Variants in MACROD2 observed in about 807,000 individuals in gnomAD.
MACROD2 encodes the protein mono-ADP ribosylhydrolase 2.
MACROD2 carries 36 observed loss-of-function variants against 70.4 expected under a neutral mutation model. That is an observed-to-expected ratio of 0.51 (90% confidence interval 0.39 to 0.68). MACROD2 has a LOEUF of 0.68. Ranked by LOEUF, MACROD2 falls within the 30% of genes least tolerant of loss-of-function variation. MACROD2 has a pLI of 0.00. For missense variants in MACROD2, 496 were observed against 538.4 expected, an observed-to-expected ratio of 0.92 and a Z score of 0.78; for synonymous variants, 172 against 178.8, an observed-to-expected ratio of 0.96 and a Z score of 0.30.
At chr20:15,714,851 A>G in intron 8 of MACROD2, among the ~76,000 whole-genome samples, 1 of 152,308 alleles carries the variant, frequency 6.6e-6, no homozygotes, top group Middle Eastern at 3.4e-3. Context: ...CTATATATGT[A>G]TAAATATATA....
intron 8 of MACROD2, among the ~76,000 whole-genome samples, chr20:15,670,485 C>G (rs1438667722): frequency 1.3e-5 from 2 of 152,204 alleles, no homozygotes; most frequent in Non-Finnish European, 2.9e-5. Flanking sequence ...ATACTTGTTT[C>G]TCCCATGTTA....
chr20:14,318,007 G>T (rs1203050058), intron 3 of MACROD2, among the ~76,000 whole-genome samples: 1 of 152,134 alleles, frequency 6.6e-6, no homozygotes, highest in Non-Finnish European at 1.5e-5. Context: ...TTTAGAAAGA[G>T]AAACTTTTTT....
chr20:14,110,329 A>T (rs1164646531), intron 3 of MACROD2, among the ~76,000 whole-genome samples: 2 of 151,960 alleles, frequency 1.3e-5, no homozygotes, highest in African/African-American at 4.8e-5. Flanking sequence ...CATGACAAAA[A>T]TGCCTACTTT....
intron 4 of MACROD2, among the ~76,000 whole-genome samples, chr20:14,501,034 A>G (rs1002741594): frequency 6.3e-5 from 9 of 142,086 alleles, no homozygotes; most frequent in Non-Finnish European, 1.1e-4. Flanking sequence ...TGATTTCTAA[A>G]TGAAAAAAAA....
At chr20:16,023,615 C>T (rs1352388145) in intron 15 of MACROD2, among the ~76,000 whole-genome samples, 6 of 151,816 alleles carry the variant, frequency 4.0e-5, no homozygotes, top group East Asian at 1.9e-4. Flanking sequence ...GAAATGAGAC[C>T]GAGAATGGAA....
intron 5 of MACROD2, among the ~76,000 whole-genome samples, chr20:14,724,246 G>A (rs1041076321): frequency 1.3e-5 from 2 of 151,958 alleles, no homozygotes; most frequent in Non-Finnish European, 2.9e-5. Context: ...GAACTCTGGG[G>A]TAAGACTGAT....
intron 12 of MACROD2, among the ~76,000 whole-genome samples, chr20:15,951,295 A>G (rs1201064201): frequency 6.8e-6 from 1 of 147,314 alleles, no homozygotes; most frequent in East Asian, 2.0e-4. Context: ...CTAGGAGGAT[A>G]TATTTATCTA....
intron 6 of MACROD2, among the ~76,000 whole-genome samples, chr20:15,283,306 G>A (rs1434406359): frequency 6.6e-6 from 1 of 152,190 alleles, no homozygotes; most frequent in Non-Finnish European, 1.5e-5. Flanking sequence ...AGTTTGGTAA[G>A]ACTTAGTTCA....
At chr20:15,250,984 G>C (rs985323031) in intron 6 of MACROD2, among the ~76,000 whole-genome samples, 2 of 152,176 alleles carry the variant, frequency 1.3e-5, no homozygotes, top group African/African-American at 4.8e-5. Flanking sequence ...ATCAAGACCT[G>C]ATGACTATTC....
intron 5 of MACROD2, among the ~76,000 whole-genome samples, chr20:14,772,023 T>G (rs1007741951): frequency 2.6e-5 from 4 of 151,994 alleles, no homozygotes; most frequent in Admixed American, 2.0e-4. Context: ...GAAAAGAAAT[T>G]TATGCTTACA....
intron 8 of MACROD2, among the ~76,000 whole-genome samples, chr20:15,825,420 A>ACATTGAGACC (rs2063986191): frequency 6.6e-6 from 1 of 152,304 alleles, no homozygotes; most frequent in South Asian, 2.1e-4. Context: ...CAGCTGACTT[A>ACATTGAGACC]CATTGAGACC....
rs2074344608 is a variant in MACROD2 at position 14,936,872 on chromosome 20, TGAG to T, written c.418+251917_418+251919del. On this transcript the variant is annotated intron_variant, in intron 5 of 17. Coordinates refer to ENST00000684519, the MANE Select transcript of MACROD2 (RefSeq NM_001351661.2). ...CCATGCTCTTCTCCATGTCAGCTGATGAGGAGAGGGAGAGGAAAACTTGTTTAG... is the reference window on the plus strand; with the variant it reads ...CCATGCTCTTCTCCATGTCAGCTGATGAGAGGGAGAGGAAAACTTGTTTAG... 5.3e-5 allele frequency among the ~76,000 whole-genome samples: 8 copies of T among 152,120 alleles called. No individual in the cohort carries two copies. The South Asian group carries it at 1.4e-3, about 28-fold the overall frequency.
At chr20:14,276,170 A>T (rs1052822274) in intron 3 of MACROD2, among the ~76,000 whole-genome samples, 7 of 152,128 alleles carry the variant, frequency 4.6e-5, no homozygotes, top group Non-Finnish European at 1.0e-4. Flanking sequence ...ATAAAGACAC[A>T]TGCACGCGTA....
At chr20:14,154,038 A>G (rs1172910520) in intron 3 of MACROD2, among the ~76,000 whole-genome samples, 4 of 152,220 alleles carry the variant, frequency 2.6e-5, no homozygotes, top group Non-Finnish European at 5.9e-5. Flanking sequence ...TACTGAAAGG[A>G]AAGTGCAGGC....
At chr20:15,729,709 ACC>A (rs2050915872) in intron 8 of MACROD2, among the ~76,000 whole-genome samples, 1 of 149,988 alleles carries the variant, frequency 6.7e-6, no homozygotes, top group Non-Finnish European at 1.5e-5. Context: ...TCAAATAACA[ACC>A]CCTCCTTTTT....
Position 15,876,562 on chromosome 20 carries a change from C to T in MACROD2, c.728-9202C>T, listed in dbSNP as rs185421425. ...AAGTCTTTGCTATTGTGAGTAGTGC[C>T]GCAATAAACATATGTGTGCGTGTGT... On this transcript the variant is annotated intron_variant, in intron 9 of 17. Transcript: ENST00000684519. 5.7e-3 allele frequency among the ~76,000 whole-genome samples: 870 copies of T among 152,054 alleles called. 4 individuals are homozygous for T. The highest frequency in any genetic ancestry group is 9.8e-3 in the Non-Finnish European group (669 of 67,988).
chr20:16,049,843 T>C lies in MACROD2; in HGVS notation c.1314T>C (p.Asp438=), dbSNP rs569106939. Residue 438 remains aspartate (D), a synonymous_variant, in exon 18 of 18, where the codon GAT becomes GAC. Transcript: ENST00000684519. ...CTTTGTCTTCAGCAGGGGCACAAGA[T>C]GAAGCGAAGGAACAAAGAAATGGAA... ...QEDQLIAGAQ[D]EAKEQRNGTK 5 of 1,611,954 alleles carry C rather than the reference T, an allele frequency of 3.1e-6. No individual in the cohort carries two copies. The East Asian group carries it at 8.9e-5, about 29-fold the overall frequency.
At chr20:15,459,816 G>GC (rs2046783351) in intron 7 of MACROD2, among the ~76,000 whole-genome samples, 1 of 148,458 alleles carries the variant, frequency 6.7e-6, no homozygotes, top group Admixed American at 6.7e-5. Flanking sequence ...ATTTGTCCTT[G>GC]TTTTTTTTTT....
Position 14,568,107 on chromosome 20 carries a change from C to G in MACROD2, c.301+74599C>G, listed in dbSNP as rs145055361. Among the ~76,000 whole-genome samples, 333 of 152,032 alleles carry G rather than the reference C, an allele frequency of 2.2e-3. 1 individual carries two copies. In the East Asian group the frequency reaches 0.029, roughly 13 times the overall value. ...AGTAACATTTTATTAGGGCTTTTAG[C>G]TAGTTGGTGGAGTAATAAGCATACT... On this transcript the variant is annotated intron_variant, in intron 4 of 17. Coordinates refer to ENST00000684519, the MANE Select transcript of MACROD2 (RefSeq NM_001351661.2).
Sources: allele counts gnomAD v4.1 joint callset (sites outside exome capture counted in the v4.1 genomes callset), GRCh38; gene constraint gnomAD v4.1.1; transcripts MANE v1.5; gene names NCBI Gene and HGNC (gene_info 2026-07-23, HGNC 2026-07-21).